Variants in ARGFX observed in about 807,000 individuals in gnomAD.
The protein encoded by ARGFX is arginine-fifty homeobox.
ARGFX carries 10 observed loss-of-function variants against 8.0 expected under a neutral mutation model. That is an observed-to-expected ratio of 1.25 (90% CI 0.77 to 2.12). The LOEUF is 2.12. Among genes scored for constraint, ARGFX ranks in the 30% most tolerant of loss-of-function variants. The probability of loss-of-function intolerance (pLI) is 0.00; values close to 1 mark genes in which losing one functional copy is unlikely to be tolerated. For missense variants in ARGFX, 282 were observed against 324.3 expected, an observed-to-expected ratio of 0.87 and a Z score of 1.00; for synonymous variants, 116 against 117.8, an observed-to-expected ratio of 0.98 and a Z score of 0.10.
chr3:121,585,259 A>G (rs991163726), intron 4 of ARGFX, among the ~76,000 whole-genome samples, 194 bp downstream of exon 4: 3 of 152,218 alleles, frequency 2.0e-5, no homozygotes, highest in Admixed American at 6.5e-5. Flanking sequence ...AGAAAAAATG[A>G]GGTTCAGAGG....
intron 2 of ARGFX, 128 bp from the exon 3 acceptor site, chr3:121,576,656 T>C: frequency 3.2e-6 from 1 of 312,456 alleles, no homozygotes; most frequent in Non-Finnish European, 6.3e-6. Flanking sequence ...CAAATTTATA[T>C]TCTCATTGTT....
chr3:121,572,185 A>AGG (rs2048712827), intron 2 of ARGFX, among the ~76,000 whole-genome samples: 1 of 150,636 alleles, frequency 6.6e-6, no homozygotes, highest in Admixed American at 6.6e-5. Flanking sequence ...CTGGGATTAC[A>AGG]GGCATGAGCC....
chr3:121,577,032 A>G (rs1477139310), intron 3 of ARGFX, 132 bp downstream of exon 3: 2 of 152,064 alleles, frequency 1.3e-5, no homozygotes, highest in Non-Finnish European at 2.9e-5. Flanking sequence ...TAATGGAGAT[A>G]AAACAAAAGT....
At position 121,588,285 on chromosome 3, in the gene ARGFX, G is replaced by T; in HGVS notation, c.*1685G>T. Among the ~76,000 whole-genome samples the T allele has an allele frequency of 7.1e-6, 1 of 141,598 alleles. No homozygotes were observed. Among genetic ancestry groups the T allele is most frequent in the Non-Finnish European group, 1.5e-5 (1 of 65,854 alleles). The allele number at this position is 141,598 out of a possible 152,430, so 92.9% of individuals were successfully genotyped here. On this transcript the variant is annotated 3_prime_UTR_variant, in exon 5 of 5. Coordinates refer to ENST00000334384, the MANE Select transcript of ARGFX (RefSeq NM_001012659.2). ...GATTGAGACCAGCCTGACTAACATGGTGAAATCCCGTCTCTACTAAAAATA... is the reference window on the plus strand; with the variant it reads ...GATTGAGACCAGCCTGACTAACATGTTGAAATCCCGTCTCTACTAAAAATA...
At chr3:121,580,622 T>TTTTTTTA (rs2048773040) in intron 3 of ARGFX, among the ~76,000 whole-genome samples, 4 of 142,712 alleles carry the variant, frequency 2.8e-5, no homozygotes, top group African/African-American at 5.1e-5. Flanking sequence ...TTTTTTTTTT[T>TTTTTTTA]GAGATGAAGT....
chr3:121,589,895 C>T lies in ARGFX; in HGVS notation c.*3295C>T, dbSNP rs2048835466. On this transcript the variant is annotated 3_prime_UTR_variant, in exon 5 of 5. Transcript: ENST00000334384. ...ATTCTCAATAATTGATAATAACAGT[C>T]CAAAGAAAGCAGAAAGAAGGAAAGC... is the stretch of plus-strand genomic sequence containing the variant. 6.6e-6 allele frequency among the ~76,000 whole-genome samples: 1 copy of T among 151,524 alleles called. No individual in the cohort carries two copies. Among genetic ancestry groups the T allele is most frequent in the Admixed American group, 6.6e-5 (1 of 15,204 alleles).
intron 3 of ARGFX, among the ~76,000 whole-genome samples, chr3:121,577,773 A>G (rs894597655): frequency 5.3e-5 from 8 of 151,974 alleles, no homozygotes; most frequent in Non-Finnish European, 8.8e-5. Flanking sequence ...TACAAACCCT[A>G]TTATAAAGTA....
chr3:121,583,349 A>G (rs2048791532), intron 3 of ARGFX, among the ~76,000 whole-genome samples: 1 of 151,998 alleles, frequency 6.6e-6, no homozygotes, highest in Non-Finnish European at 1.5e-5. Flanking sequence ...ATTTTTAAAG[A>G]AAAAACCCTT....
Position 121,585,042 on chromosome 3 carries a change from G to A in ARGFX, c.346G>A (p.Asp116Asn), listed in dbSNP as rs770818565. The change falls in exon 4 of 5, where the codon GAC (aspartate) becomes AAC (asparagine). Residue 116 changes from aspartate to asparagine, a missense_variant. Asp to Asn is a conservative substitution (Grantham distance 23, BLOSUM62 1). Transcript: ENST00000334384. ...TCAGGAGAAACTAGCTTTGAGACTC[G>A]ACCTACCGGAGTCAACAGTAAAGGT... ...NLQEKLALRL[D>N]LPESTVKVWF... 18 of 1,613,678 alleles carry A rather than the reference G, an allele frequency of 1.1e-5. No individual in the cohort carries two copies. The East Asian group carries it at 3.1e-4, about 28-fold the overall frequency.
At chr3:121,584,265 A>AGGAC (rs1386849744) in intron 3 of ARGFX, among the ~76,000 whole-genome samples, 1 of 150,766 alleles carries the variant, frequency 6.6e-6, no homozygotes, top group African/African-American at 2.4e-5. Context: ...GAAGGAAGGA[A>AGGAC]GGAAAGAAAA....
chr3:121,583,362 C>T (rs2048791687), intron 3 of ARGFX, among the ~76,000 whole-genome samples: 1 of 151,914 alleles, frequency 6.6e-6, no homozygotes, highest in African/African-American at 2.4e-5. Context: ...AAACCCTTTT[C>T]CTTTCCATTG....
rs1187985075 is a variant in ARGFX, at chr3:121,588,744, C to T, written c.*2144C>T. ...CCATCCTGGCCAACATGGTGAAATC[C>T]TGCCTCTACTAAAAATACAAAAAAA... On this transcript the variant is annotated 3_prime_UTR_variant, in exon 5 of 5. Transcript: ENST00000334384. Among the ~76,000 whole-genome samples, 1 of 149,948 alleles carries T rather than the reference C, an allele frequency of 6.7e-6. No homozygotes were observed. Among genetic ancestry groups the T allele is most frequent in the Non-Finnish European group, 1.5e-5 (1 of 67,592 alleles).
At chr3:121,571,654 C>A (rs572216008) in intron 2 of ARGFX, among the ~76,000 whole-genome samples, 3 of 151,662 alleles carry the variant, frequency 2.0e-5, no homozygotes, top group Admixed American at 2.0e-4. Flanking sequence ...AACTCCACCT[C>A]CCGGGTTCAA....
intron 2 of ARGFX, among the ~76,000 whole-genome samples, chr3:121,572,872 A>T (rs145240085): frequency 7.4e-4 from 113 of 152,334 alleles, no homozygotes; most frequent in African/African-American, 2.5e-3. Flanking sequence ...ATAGTCAACA[A>T]GGGTGCTAAG....
At chr3:121,580,403 TAAAC>T (rs1037858106) in intron 3 of ARGFX, among the ~76,000 whole-genome samples, 11 of 151,804 alleles carry the variant, frequency 7.2e-5, no homozygotes, top group African/African-American at 2.2e-4. Context: ...ATAAAATAAA[TAAAC>T]AAAATAAATT....
chr3:121,571,730 A>AT (rs1173636701), intron 2 of ARGFX, among the ~76,000 whole-genome samples: 10,559 of 107,012 alleles, frequency 0.099, 466 homozygotes, highest in Non-Finnish European at 0.12. Flanking sequence ...TGCCCGGCAA[A>AT]TTTTTTTTTT....
intron 2 of ARGFX, among the ~76,000 whole-genome samples, chr3:121,574,377 TG>T (rs1266541342): frequency 6.6e-6 from 1 of 152,186 alleles, no homozygotes; most frequent in Non-Finnish European, 1.5e-5. Flanking sequence ...TAATATATAA[TG>T]AAATAATTAT....
At chr3:121,577,454 ATGT>A (rs1435023739) in intron 3 of ARGFX, among the ~76,000 whole-genome samples, 1 of 151,390 alleles carries the variant, frequency 6.6e-6, no homozygotes, top group Admixed American at 6.6e-5. Flanking sequence ...GGGTTTCACC[ATGT>A]TGACCAGGCT....
At chr3:121,584,013 A>G (rs1368598124) in intron 3 of ARGFX, among the ~76,000 whole-genome samples, 1 of 152,120 alleles carries the variant, frequency 6.6e-6, no homozygotes, top group Non-Finnish European at 1.5e-5. Flanking sequence ...CATCTCTGTG[A>G]AAGAAAAAGT....
Sources: allele counts gnomAD v4.1 joint callset (sites outside exome capture counted in the v4.1 genomes callset), GRCh38; gene constraint gnomAD v4.1.1; transcripts MANE v1.5; gene names NCBI Gene and HGNC (gene_info 2026-07-23, HGNC 2026-07-21).